Variants in LSS observed in about 807,000 individuals in gnomAD.
LSS encodes the protein lanosterol synthase, also known as 2,3-epoxysqualene-lanosterol cyclase.
A neutral mutation model predicts 110.3 loss-of-function variants in LSS; 90 were observed. The observed-to-expected ratio is 0.82, with a 90% CI of 0.69 to 0.97. The LOEUF is 0.97. Among genes scored for constraint, LSS ranks in the 50% least tolerant of loss-of-function variants. The pLI is 0.00. For synonymous variants in LSS, 433 were observed against 400.0 expected, an observed-to-expected ratio of 1.08 and a Z score of -0.98; for missense variants, 927 against 990.0, an observed-to-expected ratio of 0.94 and a Z score of 0.85.
intron 14 of LSS, 21 bp downstream of exon 14, chr21:46,208,230 A>G (rs1316194001): frequency 1.3e-6 from 2 of 1,551,574 alleles, no homozygotes; most frequent in African/African-American, 2.7e-5. Context: ...CGGGACAGGG[A>G]TGGGGCTGGC....
rs1184565985 is a variant in LSS, at chr21:46,205,829, T to G, written c.1670+7A>C. ...CGCCCACACTGAATGGCTGAGACCC[T>G]CCTTACCGGATCTCCGCTGCCCTGT... On this transcript the variant is annotated splice_region_variant and intron_variant, in intron 17 of 21. Transcript: ENST00000397728. The G allele has an allele frequency of 6.3e-7, 1 of 1,594,178 alleles. No individual in the cohort carries two copies. The highest frequency in any genetic ancestry group is 8.5e-7 in the Non-Finnish European group (1 of 1,169,802).
intron 17 of LSS, among the ~76,000 whole-genome samples, chr21:46,201,122 T>C (rs28560443): frequency 0.041 from 4,843 of 117,030 alleles, 178 homozygotes; most frequent in Middle Eastern, 0.12. Context: ...GCCTGGATCA[T>C]GTGGGAGGAA....
chr21:46,196,929 T>G (rs980765810), intron 17 of LSS, among the ~76,000 whole-genome samples: 1 of 152,242 alleles, frequency 6.6e-6, no homozygotes, highest in Non-Finnish European at 1.5e-5. Context: ...AGCTGAGGAA[T>G]GGGATCGTGC....
chr21:46,219,426 TC>T (rs1569034364), intron 6 of LSS, 49 bp downstream of exon 6: 2 of 1,333,024 alleles, frequency 1.5e-6, no homozygotes, highest in Admixed American at 2.2e-5. Flanking sequence ...GTCACTCTAC[TC>T]CCCGGGACAG....
intron 21 of LSS, among the ~76,000 whole-genome samples, chr21:46,191,663 C>T (rs1050286798): frequency 6.6e-6 from 1 of 152,246 alleles, no homozygotes; most frequent in Admixed American, 6.5e-5. Context: ...GCTCCTCCCC[C>T]ACCCAGAGCA....
intron 1 of LSS, 62 bp downstream of exon 1, chr21:46,228,670 C>A: frequency 6.3e-7 from 1 of 1,599,848 alleles, no homozygotes; most frequent in Non-Finnish European, 8.5e-7. Context: ...GCCCCAGTCG[C>A]GCTCTCCTCA....
At position 46,188,495 on chromosome 21, in the gene LSS, C is replaced by T; in HGVS notation, c.*2609G>A. The stretch of plus-strand genomic sequence containing the variant: ...CACTGAGGCAAATATCCCCCTCAGA[C>T]AGAGGCTGCACCGGTACAGCTGCCA... On this transcript the variant is annotated 3_prime_UTR_variant, in exon 22 of 22. Transcript: ENST00000397728. 1.1e-5 allele frequency: 4 copies of T among 362,968 alleles called. No homozygotes were observed. The highest frequency in any genetic ancestry group is 8.1e-5 in the South Asian group (4 of 49,092). The allele number at this position is 362,968 out of a possible 1,614,324, so 22.5% of individuals were successfully genotyped here.
chr21:46,207,601 C>T, intron 14 of LSS, 24 bp from the exon 15 acceptor site: 1 of 1,602,816 alleles, frequency 6.2e-7, no homozygotes, highest in Non-Finnish European at 8.5e-7. Flanking sequence ...GCCATGACTC[C>T]AGGCTGGGGG....
At position 46,196,233 on chromosome 21, in the gene LSS, G is replaced by A. The variant is rs745641322; in HGVS notation, c.1705C>T (p.Arg569Trp). The change falls in exon 18 of 22, where the codon CGG (arginine) becomes TGG (tryptophan). Residue 569 changes from arginine to tryptophan, a missense_variant. By Grantham distance (101) the Arg-to-Trp change is moderately radical. Coordinates refer to ENST00000397728, the MANE Select transcript of LSS (RefSeq NM_002340.6). ...TLTQGLEFCR[R>W]QQRADGSWEG... Reference sequence around the variant, plus strand: ...CAGGAGCCATCGGCCCTCTGCTGCCGCCGACAGAACTCTAAGCCCTGCGTG... The same window carrying A: ...CAGGAGCCATCGGCCCTCTGCTGCCACCGACAGAACTCTAAGCCCTGCGTG... 1.8e-5 allele frequency: 29 copies of A among 1,614,138 alleles called. No homozygotes were observed. Among genetic ancestry groups the A allele is most frequent in the East Asian group, 4.5e-5 (2 of 44,882 alleles).
In LSS at chr21:46,215,261, G is replaced by A. The variant is rs933839847; in HGVS notation, c.930C>T (p.His310=). ...GCTTCTGCACGGCCCGCTGCCGCAG[G>A]TGGGCACTGTGGTGGTGCTCATACA... The part of the protein sequence containing the change: ...LNLYEHHHSA[H]LRQRAVQKLY... The change falls in exon 9 of 22, where the codon CAC becomes CAT. Residue 310 remains histidine (H), a synonymous_variant. Transcript: ENST00000397728. The A allele has an allele frequency of 2.5e-6, 4 of 1,610,736 alleles. No individual in the cohort carries two copies. The African/African-American group carries it at 5.3e-5, about 22-fold the overall frequency.
rs766693962 is a variant in LSS, at chr21:46,213,794, G to A, written c.1053C>T (p.Asp351=). 7.9e-5 allele frequency: 128 copies of A among 1,613,942 alleles called. No homozygotes were observed. Among genetic ancestry groups the A allele is most frequent in the Middle Eastern group, 3.3e-4 (2 of 6,084 alleles). ...CCTGGAAGGCAGTGGAGGCGGGCCC[G>A]TCCACATACCAGCGCACAAGCATGT... ...TINMLVRWYV[D]GPASTAFQEH... The change falls in exon 10 of 22, where the codon GAC becomes GAT. Residue 351 remains aspartate (D), a synonymous_variant. Transcript: ENST00000397728.
Position 46,210,856 on chromosome 21 carries a change from C to A in LSS, c.1138-112G>T, listed in dbSNP as rs2080120431. On this transcript the variant is annotated intron_variant, in intron 11 of 21. Coordinates refer to ENST00000397728, the MANE Select transcript of LSS (RefSeq NM_002340.6). ...GCCAGGTGTGGGGGCTCCCACCCAGCCAACGCTCAGCCTCAGGCTCTGAGC... is the reference window on the plus strand; with the variant it reads ...GCCAGGTGTGGGGGCTCCCACCCAGACAACGCTCAGCCTCAGGCTCTGAGC... The A allele has an allele frequency of 7.2e-6, 7 of 971,984 alleles. No homozygotes were observed. In the East Asian group the frequency reaches 1.8e-4, roughly 25 times the overall value. 60.2% of individuals were successfully genotyped at this position (971,984 alleles called of 1,614,324 possible).
intron 20 of LSS, among the ~76,000 whole-genome samples, chr21:46,194,146 C>T (rs952370693): frequency 5.9e-5 from 9 of 152,160 alleles, no homozygotes; most frequent in African/African-American, 1.7e-4. Flanking sequence ...CTGCTGTGAC[C>T]GTCATCACTA....
chr21:46,209,978 C>A lies in LSS; in HGVS notation c.1195-353G>T, dbSNP rs1394887518. Among the ~76,000 whole-genome samples the A allele has an allele frequency of 6.6e-6, 1 of 152,114 alleles. No individual in the cohort carries two copies. The highest frequency in any genetic ancestry group is 6.5e-5 in the Admixed American group (1 of 15,270). ...TCCAGAAACACCTTCAGAATCCCAC[C>A]TACCTCATTCCCACCGGCATAAAAA... On this transcript the variant is annotated intron_variant, in intron 12 of 21. Transcript: ENST00000397728. This position sits in a 1 kb window ranked among gnomAD's most constrained non-coding sequence, Gnocchi z 4.4.
At chr21:46,200,841 G>A (rs2079968973) in intron 17 of LSS, among the ~76,000 whole-genome samples, 2 of 152,254 alleles carry the variant, frequency 1.3e-5, no homozygotes, top group Admixed American at 1.3e-4. Context: ...AATTAGGCCT[G>A]CAGATTAGTA....
intron 14 of LSS, 113 bp from the exon 15 acceptor site, chr21:46,207,690 G>A (rs932571932): frequency 1.3e-5 from 16 of 1,271,936 alleles, no homozygotes; most frequent in Admixed American, 1.2e-4. Context: ...TCAGGGCAGG[G>A]GCCCAGCCAC....
chr21:46,213,869 CCAGACCCACAG>C (rs1569030232), intron 9 of LSS, 34 bp from the exon 10 acceptor site: 1 of 1,506,162 alleles, frequency 6.6e-7, no homozygotes, highest in East Asian at 2.3e-5. Flanking sequence ...AGGCTCCGCT[CCAGACCCACAG>C]CAGCCTCCAG....
Position 46,191,004 on chromosome 21 carries a change from T to C in LSS, c.*100A>G, listed in dbSNP as rs1375749952. 20 of 1,415,344 alleles carry C rather than the reference T, an allele frequency of 1.4e-5. No individual in the cohort carries two copies. The highest frequency in any genetic ancestry group is 4.7e-5 in the East Asian group (2 of 42,936). 87.7% of individuals were successfully genotyped at this position (1,415,344 alleles called of 1,614,324 possible). On this transcript the variant is annotated 3_prime_UTR_variant, in exon 22 of 22. Coordinates refer to ENST00000397728, the MANE Select transcript of LSS (RefSeq NM_002340.6). ...CATCTATGAGATAGAGGTTGAGGGG[T>C]TGGAGCCCAAGACAGGGTTATGGGA...
At chr21:46,225,419 A>C (rs1338522656) in intron 3 of LSS, 5 of 452,836 alleles carry the variant, frequency 1.1e-5, no homozygotes, top group Non-Finnish European at 2.2e-5. Context: ...TGTCAAGGAA[A>C]AACACCCGCT....
Sources: allele counts gnomAD v4.1 joint callset (sites outside exome capture counted in the v4.1 genomes callset), GRCh38; gene constraint gnomAD v4.1.1; non-coding constraint Gnocchi (gnomAD v3.1); transcripts MANE v1.5; gene names NCBI Gene and HGNC (gene_info 2026-07-23, HGNC 2026-07-21).